TRIM42: variants seen among roughly 807,000 people sequenced by gnomAD.
TRIM42 encodes tripartite motif containing 42, also known as tripartite motif-containing protein 42.
A neutral mutation model predicts 64.9 loss-of-function variants in TRIM42; 59 were observed. The observed-to-expected ratio is 0.91, with a 90% confidence interval of 0.74 to 1.13. TRIM42 has a LOEUF of 1.13. Among genes scored for constraint, TRIM42 ranks in the 50% most tolerant of loss-of-function variants. The probability of loss-of-function intolerance (pLI) is 0.00; values close to 1 mark genes in which losing one functional copy is unlikely to be tolerated. For missense variants in TRIM42, 878 were observed against 929.5 expected (o/e 0.94, Z 0.72); for synonymous variants, 354 against 346.3 (o/e 1.02, Z -0.25).
In TRIM42 at chr3:140,682,346, C is replaced by A. The variant is rs923474411; in HGVS notation, c.342-116C>A. 13 of 1,000,382 alleles carry A rather than the reference C, an allele frequency of 1.3e-5. No homozygotes were observed. The Admixed American group carries it at 2.3e-4, about 18-fold the overall frequency. The allele number at this position is 1,000,382 out of a possible 1,614,324, so 62.0% of individuals were successfully genotyped here. On this transcript the variant is annotated intron_variant, in intron 1 of 4. Transcript: ENST00000286349. Reference sequence around the variant, plus strand: ...CAGGCACCTTAGCGCCCAGCTCAGGCTCCTCACCACCACACTAGACTGCCC... The same window carrying A: ...CAGGCACCTTAGCGCCCAGCTCAGGATCCTCACCACCACACTAGACTGCCC...
At chr3:140,694,120 A>G (rs1203732263) in intron 4 of TRIM42, among the ~76,000 whole-genome samples, 1 of 152,230 alleles carries the variant, frequency 6.6e-6, no homozygotes, top group African/African-American at 2.4e-5. Context: ...AGTCTGGAAC[A>G]GGGTAGGCTC....
At chr3:140,689,394 A>G (rs2107762371) in intron 3 of TRIM42, among the ~76,000 whole-genome samples, 1 of 152,250 alleles carries the variant, frequency 6.6e-6, no homozygotes, top group South Asian at 2.1e-4. Flanking sequence ...GTCTCCCATA[A>G]TCTGAGAACA....
intron 4 of TRIM42, among the ~76,000 whole-genome samples, chr3:140,692,562 C>CACACACACACAGAGAG (rs375439126): frequency 3.5e-5 from 4 of 114,116 alleles, no homozygotes; most frequent in African/African-American, 1.2e-4. Context: ...CACACACACA[C>CACACACACACAGAGAG]AGAGAGAGAT....
chr3:140,682,964 G>C lies in TRIM42; in HGVS notation c.844G>C (p.Ala282Pro), dbSNP rs1489647005. 1.9e-6 allele frequency: 3 copies of C among 1,614,084 alleles called. No individual in the cohort carries two copies. In the African/African-American group the frequency reaches 4.0e-5, roughly 22 times the overall value. Residue 282 changes from alanine (A) to proline (P), a missense_variant, in exon 2 of 5, where the codon GCC (alanine) becomes CCC (proline). Transcript: ENST00000286349. ...MQDHVFVDTS[A>P]EEQDEKICIH... ...AGACCACGTCTTTGTGGACACCAGC[G>C]CCGAGGAACAGGACGAGAAGATCTG...
rs116067457 is a variant in TRIM42 at position 140,680,948 on chromosome 3, G to T, written c.342-1514G>T. Among the ~76,000 whole-genome samples the T allele has an allele frequency of 7.6e-3, 1,164 of 152,298 alleles. 17 individuals carry two copies. Among genetic ancestry groups the T allele is most frequent in the African/African-American group, 0.027 (1,119 of 41,558 alleles). Reference sequence around the variant, plus strand: ...GACAAAAGCAAAAAGGAACACAGCCGCAATGTCGAGATTAGTATCCAAATA... The same window carrying T: ...GACAAAAGCAAAAAGGAACACAGCCTCAATGTCGAGATTAGTATCCAAATA... On this transcript the variant is annotated intron_variant, in intron 1 of 4. Transcript: ENST00000286349.
chr3:140,692,562 C>CACACACACACACACACACACACACACAG (rs375439126), intron 4 of TRIM42, among the ~76,000 whole-genome samples: 1,231 of 113,942 alleles, frequency 0.011, 44 homozygotes, highest in Non-Finnish European at 0.017. Flanking sequence ...CACACACACA[C>CACACACACACACACACACACACACACAG]AGAGAGAGAT....
chr3:140,680,642 A>T, intron 1 of TRIM42: 1 of 984,786 alleles, frequency 1.0e-6, no homozygotes. Context: ...TACATGGACA[A>T]TTAACCTGTA....
At chr3:140,692,351 G>A (rs746252841) in intron 4 of TRIM42, among the ~76,000 whole-genome samples, 19 of 152,016 alleles carry the variant, frequency 1.2e-4, no homozygotes, top group Non-Finnish European at 2.2e-4. Flanking sequence ...TAAAATGTTC[G>A]AGGAAAAGAA....
chr3:140,686,390 C>G (rs907067996), intron 2 of TRIM42, among the ~76,000 whole-genome samples: 3 of 152,086 alleles, frequency 2.0e-5, no homozygotes, highest in Non-Finnish European at 4.4e-5. Flanking sequence ...CAAGAAAACA[C>G]TGGGGCTTCA....
At position 140,688,029 on chromosome 3, in the gene TRIM42, G is replaced by C. The variant is rs1228348141; in HGVS notation, c.1347G>C (p.Leu449=). The C allele has an allele frequency of 6.2e-7, 1 of 1,614,182 alleles. No homozygotes were observed. Reference sequence around the variant, plus strand: ...CATTCCTGCAGTCAGCCAAGATCCTGGTGGACCAGATCGAGGACGGCATCC... The same window carrying C: ...CATTCCTGCAGTCAGCCAAGATCCTCGTGGACCAGATCGAGGACGGCATCC... ...QVAFLQSAKI[L]VDQIEDGIQT... Residue 449 remains leucine (L), a synonymous_variant, in exon 3 of 5, where the codon CTG becomes CTC. Transcript: ENST00000286349.
intron 2 of TRIM42, 67 bp downstream of exon 2, chr3:140,683,226 G>A: frequency 6.5e-7 from 1 of 1,534,304 alleles, no homozygotes; most frequent in Non-Finnish European, 8.9e-7. Flanking sequence ...GATGGCGTGG[G>A]GTAATCTGTT....
intron 1 of TRIM42, among the ~76,000 whole-genome samples, chr3:140,680,430 C>T (rs1227998555): frequency 1.3e-5 from 2 of 152,098 alleles, no homozygotes; most frequent in Admixed American, 6.5e-5. Context: ...GCCATTAATA[C>T]CTGTCTCTTA....
At position 140,692,004 on chromosome 3, in the gene TRIM42, C is replaced by G. The variant is rs145299474; in HGVS notation, c.2085+812C>G. On this transcript the variant is annotated intron_variant, in intron 4 of 4. Coordinates refer to ENST00000286349, the MANE Select transcript of TRIM42 (RefSeq NM_152616.5). The stretch of plus-strand genomic sequence containing the variant: ...AAAAAAAAAAGTCCATTCATTTCAG[C>G]TTTTGAAAAGAGAAATTTATGACAA... Among the ~76,000 whole-genome samples, 522 of 151,970 alleles carry G rather than the reference C, an allele frequency of 3.4e-3. 7 individuals are homozygous for G. The highest frequency in any genetic ancestry group is 0.012 in the African/African-American group (503 of 41,462).
In TRIM42 at chr3:140,682,884, G is replaced by A. The variant is rs146006015; in HGVS notation, c.764G>A (p.Arg255His). The A allele has an allele frequency of 1.2e-6, 2 of 1,614,138 alleles. No individual in the cohort carries two copies. Among genetic ancestry groups the A allele is most frequent in the African/African-American group, 1.3e-5 (1 of 75,056 alleles). ...GCTTACAAGCGCTGCATCACCTGCC[G>A]CCTCAACCTGTGCAACGACTGCCTC... is the stretch of plus-strand genomic sequence containing the variant. ...RIAYKRCITC[R>H]LNLCNDCLKA... is the part of the protein sequence containing the mutation. Residue 255 changes from arginine to histidine, a missense_variant, in exon 2 of 5, where the codon CGC (arginine) becomes CAC (histidine). Arg to His is a conservative substitution (Grantham distance 29). Coordinates refer to ENST00000286349, the MANE Select transcript of TRIM42 (RefSeq NM_152616.5).
chr3:140,680,911 G>C (rs777750235), intron 1 of TRIM42, among the ~76,000 whole-genome samples: 1 of 152,166 alleles, frequency 6.6e-6, no homozygotes, highest in Non-Finnish European at 1.5e-5. Flanking sequence ...GGACACATAA[G>C]GAATGCAAGA....
chr3:140,697,924 C>T (rs1988897951), intron 4 of TRIM42, among the ~76,000 whole-genome samples: 1 of 152,138 alleles, frequency 6.6e-6, no homozygotes, highest in African/African-American at 2.4e-5. Flanking sequence ...ACCTCGTGAT[C>T]TGCCGGCCTC....
intron 4 of TRIM42, among the ~76,000 whole-genome samples, chr3:140,693,683 G>A (rs915300549): frequency 6.6e-6 from 1 of 152,172 alleles, no homozygotes; most frequent in Admixed American, 6.5e-5. Context: ...TTGCAATGAG[G>A]CAGCAGGATC....
chr3:140,694,240 T>C (rs766315662), intron 4 of TRIM42, among the ~76,000 whole-genome samples: 1 of 152,234 alleles, frequency 6.6e-6, no homozygotes, highest in Non-Finnish European at 1.5e-5. Context: ...AAAAGAGCAT[T>C]GTATTTGGTC....
intron 4 of TRIM42, among the ~76,000 whole-genome samples, chr3:140,698,509 C>CA (rs1391668549): frequency 1.3e-5 from 2 of 151,916 alleles, no homozygotes; most frequent in Admixed American, 6.6e-5. Flanking sequence ...TTCACACACA[C>CA]AAAAAAAGAT....
Sources: allele counts gnomAD v4.1 joint callset (sites outside exome capture counted in the v4.1 genomes callset), GRCh38; gene constraint gnomAD v4.1.1; transcripts MANE v1.5; gene names NCBI Gene and HGNC (gene_info 2026-07-23, HGNC 2026-07-21).